FBXW7: variants seen among roughly 807,000 people sequenced by gnomAD.
FBXW7 encodes the protein F-box/WD repeat-containing protein 7.
In FBXW7, 11 loss-of-function variants were observed where a neutral mutation model predicts 86.3. The ratio of observed to expected loss-of-function variants is 0.13; its 90% CI spans 0.08 to 0.21. FBXW7 has a LOEUF of 0.21. Ranked by LOEUF, FBXW7 falls within the 10% of genes least tolerant of loss-of-function variation. The pLI is 1.00. For synonymous variants in FBXW7, 313 were observed against 297.9 expected (o/e 1.05, Z -0.52); for missense variants, 488 against 847.4 (o/e 0.58, Z 5.27).
At chr4:152,373,012 G>A (rs2126743326) in intron 4 of FBXW7, among the ~76,000 whole-genome samples, 2 of 152,062 alleles carry the variant, frequency 1.3e-5, no homozygotes, top group Middle Eastern at 6.8e-3. Context: ...GGAAAGGTGA[G>A]AATTACACAT....
At chr4:152,422,751 T>C (rs1214248796) in intron 2 of FBXW7, among the ~76,000 whole-genome samples, 2 of 152,170 alleles carry the variant, frequency 1.3e-5, no homozygotes, top group Admixed American at 6.5e-5. Context: ...GATTCAGTCA[T>C]AGCCCCTTCC....
At chr4:152,324,110 T>C in intron 13 of FBXW7, 74 bp downstream of exon 13, 2 of 1,192,186 alleles carry the variant, frequency 1.7e-6, no homozygotes, top group South Asian at 2.7e-5. Context: ...CTTTTTGTGA[T>C]GCTAAGGCTC....
chr4:152,474,458 CAA>C (rs1359337253), intron 2 of FBXW7, among the ~76,000 whole-genome samples: 1 of 152,118 alleles, frequency 6.6e-6, no homozygotes, highest in African/African-American at 2.4e-5. Flanking sequence ...GACAACTAGT[CAA>C]GAGTTCTAAG....
intron 2 of FBXW7, among the ~76,000 whole-genome samples, chr4:152,462,581 G>A (rs1485150065): frequency 6.6e-6 from 1 of 152,178 alleles, no homozygotes; most frequent in African/African-American, 2.4e-5. Context: ...CTGAAAGACA[G>A]GAGGCGAAAA....
chr4:152,487,644 A>T (rs978322245), intron 2 of FBXW7, among the ~76,000 whole-genome samples: 2 of 152,128 alleles, frequency 1.3e-5, no homozygotes, highest in Non-Finnish European at 2.9e-5. Context: ...ATCTTCAATT[A>T]TATTTTTAAT....
chr4:152,520,652 G>C (rs765738581), intron 2 of FBXW7, among the ~76,000 whole-genome samples: 3 of 152,060 alleles, frequency 2.0e-5, no homozygotes, highest in Non-Finnish European at 2.9e-5. Context: ...GCTCCTCCAT[G>C]ATGTAAAAAT....
chr4:152,387,274 A>G (rs1443505363), intron 4 of FBXW7, among the ~76,000 whole-genome samples: 2 of 152,190 alleles, frequency 1.3e-5, no homozygotes, highest in East Asian at 3.8e-4. Context: ...GTAGAAACAG[A>G]AAGTCCCACA....
intron 2 of FBXW7, among the ~76,000 whole-genome samples, chr4:152,432,508 A>G (rs1363260100): frequency 6.6e-6 from 1 of 152,178 alleles, no homozygotes; most frequent in African/African-American, 2.4e-5. Context: ...CACCTTAATC[A>G]AGACACAGAA....
chr4:152,417,844 G>T (rs1330117943), intron 2 of FBXW7, among the ~76,000 whole-genome samples: 1 of 151,968 alleles, frequency 6.6e-6, no homozygotes, highest in Non-Finnish European at 1.5e-5. Flanking sequence ...GCTGCCTCTG[G>T]GCTTCTCCCA....
At chr4:152,398,978 T>C (rs563872853) in intron 4 of FBXW7, among the ~76,000 whole-genome samples, 18 of 152,286 alleles carry the variant, frequency 1.2e-4, no homozygotes, top group Admixed American at 4.6e-4. Context: ...TTAAAATATA[T>C]ATATCTTACA....
At chr4:152,390,415 G>C (rs1735899352) in intron 4 of FBXW7, among the ~76,000 whole-genome samples, 1 of 151,870 alleles carries the variant, frequency 6.6e-6, no homozygotes, top group Admixed American at 6.6e-5. Context: ...GGCTGAGCTG[G>C]GTTACCCCAG....
intron 2 of FBXW7, among the ~76,000 whole-genome samples, chr4:152,481,039 A>C (rs759793276): frequency 2.0e-4 from 30 of 152,348 alleles, no homozygotes; most frequent in Middle Eastern, 3.4e-3. Flanking sequence ...TGGAAGAAGA[A>C]GCCATGTAGT....
chr4:152,365,646 T>C (rs1473946439), intron 4 of FBXW7, among the ~76,000 whole-genome samples: 1 of 152,110 alleles, frequency 6.6e-6, no homozygotes, highest in Non-Finnish European at 1.5e-5. Context: ...CTGGGTTAGT[T>C]GGTTGTTTTT....
chr4:152,419,499 ACACAC>A (rs1738753937), intron 2 of FBXW7, among the ~76,000 whole-genome samples: 7 of 147,838 alleles, frequency 4.7e-5, no homozygotes, highest in Admixed American at 4.7e-4. Context: ...AGGTAAACAC[ACACAC>A]ACACACACAC....
intron 6 of FBXW7, among the ~76,000 whole-genome samples, chr4:152,340,575 CAAAA>C (rs556530800): frequency 3.1e-5 from 1 of 31,914 alleles, no homozygotes; most frequent in African/African-American, 1.3e-4. Flanking sequence ...AACTCCATCT[CAAAA>C]AAAAAAAAAA....
chr4:152,445,702 G>C, intron 2 of FBXW7, among the ~76,000 whole-genome samples: 1 of 152,056 alleles, frequency 6.6e-6, no homozygotes. Context: ...GAGGCCAGGA[G>C]TTAGAGATCA....
chr4:152,506,637 T>C (rs1378912692), intron 2 of FBXW7, among the ~76,000 whole-genome samples: 1 of 152,204 alleles, frequency 6.6e-6, no homozygotes, highest in Admixed American at 6.5e-5. Context: ...ACAGGTAATA[T>C]TGCACAGAAG....
At chr4:152,445,873 G>A (rs1447163061) in intron 2 of FBXW7, among the ~76,000 whole-genome samples, 1 of 133,078 alleles carries the variant, frequency 7.5e-6, no homozygotes, top group African/African-American at 2.7e-5. Flanking sequence ...TCGCGCCACT[G>A]TACTCCAACC....
intron 4 of FBXW7, among the ~76,000 whole-genome samples, chr4:152,407,461 G>C (rs915677929): frequency 4.6e-5 from 7 of 152,258 alleles, no homozygotes; most frequent in African/African-American, 1.7e-4. Context: ...GACTAGGCCA[G>C]GGACTTTCTG....
Sources: allele counts gnomAD v4.1 joint callset (sites outside exome capture counted in the v4.1 genomes callset), GRCh38; gene constraint gnomAD v4.1.1; transcripts MANE v1.5; gene names NCBI Gene and HGNC (gene_info 2026-07-23, HGNC 2026-07-21).